SAMHD1: variants seen among roughly 807,000 people sequenced by gnomAD.
SAMHD1 encodes deoxynucleoside triphosphate triphosphohydrolase SAMHD1.
SAMHD1 carries 54 observed loss-of-function variants against 79.6 expected under a neutral mutation model. The ratio of observed to expected loss-of-function variants is 0.68; its 90% CI spans 0.55 to 0.85. The LOEUF (loss-of-function observed/expected upper bound fraction) is 0.85. SAMHD1 is among the 40% of genes least tolerant of loss of function. The pLI is 0.00. For synonymous variants in SAMHD1, 260 were observed against 264.1 expected, an observed-to-expected ratio of 0.98 and a Z score of 0.15; for missense variants, 663 against 782.7, an observed-to-expected ratio of 0.85 and a Z score of 1.82.
intron 3 of SAMHD1, among the ~76,000 whole-genome samples, chr20:36,935,915 A>G (rs2063600879): frequency 6.6e-6 from 1 of 151,938 alleles, no homozygotes; most frequent in South Asian, 2.1e-4. Flanking sequence ...ACTCATCATT[A>G]AAACAGAAAA....
In SAMHD1 at chr20:36,904,120, C is replaced by T. The variant is rs768651957; in HGVS notation, c.1503+37G>A. Reference sequence around the variant, plus strand: ...AATGGTGGGTGCTTTATCTTTAAAACGTATTCACTCAGTTTATTACTGGGC... The same window carrying T: ...AATGGTGGGTGCTTTATCTTTAAAATGTATTCACTCAGTTTATTACTGGGC... On this transcript the variant is annotated intron_variant, in intron 13 of 15. Transcript: ENST00000646673. The T allele has an allele frequency of 1.7e-5, 23 of 1,341,970 alleles. No homozygotes were observed. In the East Asian group the frequency reaches 2.1e-4, roughly 12 times the overall value. 83.1% of individuals were successfully genotyped at this position (1,341,970 alleles called of 1,614,324 possible).
At chr20:36,909,025 G>A (rs993452186) in intron 11 of SAMHD1, among the ~76,000 whole-genome samples, 11 of 151,984 alleles carry the variant, frequency 7.2e-5, no homozygotes, top group Non-Finnish European at 1.0e-4. Flanking sequence ...GCAGTGGTGC[G>A]ATCTCTGCTC....
rs1990169477 is a variant in SAMHD1, at chr20:36,894,853, C to T, written c.1747-1787G>A. Among the ~76,000 whole-genome samples the T allele has an allele frequency of 2.0e-5, 3 of 152,042 alleles. No homozygotes were observed. In the South Asian group the frequency reaches 6.2e-4, roughly 32 times the overall value. Reference sequence around the variant, plus strand: ...TATTTATTTGTCTTTAAACTCATCTCTATTTCTACCCAGCTTGCTTTCTTT... The same window carrying T: ...TATTTATTTGTCTTTAAACTCATCTTTATTTCTACCCAGCTTGCTTTCTTT... On this transcript the variant is annotated intron_variant, in intron 15 of 15. Coordinates refer to ENST00000646673, the MANE Select transcript of SAMHD1 (RefSeq NM_015474.4).
intron 11 of SAMHD1, among the ~76,000 whole-genome samples, chr20:36,909,065 G>A (rs1182328254): frequency 2.6e-5 from 4 of 152,080 alleles, no homozygotes; most frequent in Non-Finnish European, 5.9e-5. Flanking sequence ...GGGTTCAAGC[G>A]ATTCTCCTGC....
At chr20:36,940,943 A>G in intron 3 of SAMHD1, 96 bp downstream of exon 3, 1 of 890,932 alleles carries the variant, frequency 1.1e-6, no homozygotes, top group Non-Finnish European at 1.8e-6. Context: ...TATCACTGAG[A>G]AGCAGATTTC....
At chr20:36,907,401 T>C (rs543289554) in intron 11 of SAMHD1, among the ~76,000 whole-genome samples, 1 of 151,996 alleles carries the variant, frequency 6.6e-6, no homozygotes, top group Admixed American at 6.6e-5. Context: ...ACTGGGACTA[T>C]AGGCACATGC....
intron 2 of SAMHD1, among the ~76,000 whole-genome samples, chr20:36,941,810 C>A (rs563870495): frequency 2.0e-5 from 3 of 152,188 alleles, no homozygotes; most frequent in African/African-American, 7.2e-5. Flanking sequence ...ACATTGGCCT[C>A]TATGGTACAC....
chr20:36,900,041 C>T (rs1246609559), intron 13 of SAMHD1, among the ~76,000 whole-genome samples: 1 of 150,354 alleles, frequency 6.7e-6, no homozygotes, highest in Non-Finnish European at 1.5e-5. Flanking sequence ...TTGCAGTGAG[C>T]CGAGATCGTG....
intron 6 of SAMHD1, among the ~76,000 whole-genome samples, chr20:36,922,490 A>G (rs917167920): frequency 6.6e-6 from 1 of 152,078 alleles, no homozygotes; most frequent in Non-Finnish European, 1.5e-5. Flanking sequence ...GGATTCAAGT[A>G]ATCCTCCCGT....
chr20:36,908,109 C>G (rs548487132), intron 11 of SAMHD1, among the ~76,000 whole-genome samples: 18 of 152,176 alleles, frequency 1.2e-4, no homozygotes, highest in Middle Eastern at 3.4e-3. Flanking sequence ...CTCCTGAACT[C>G]AAGTGATCCA....
chr20:36,894,730 G>A (rs9753599), intron 15 of SAMHD1, among the ~76,000 whole-genome samples: 1 of 151,508 alleles, frequency 6.6e-6, no homozygotes, highest in Non-Finnish European at 1.5e-5. Flanking sequence ...CTGTGCCACT[G>A]CACTCCAGCC....
At chr20:36,947,024 T>G (rs1015802618) in intron 1 of SAMHD1, 2 of 442,104 alleles carry the variant, frequency 4.5e-6, no homozygotes, top group South Asian at 2.7e-5. Context: ...CGTGAAAATT[T>G]CAAAATTATT....
At chr20:36,949,442 C>A (rs1291208268) in intron 1 of SAMHD1, among the ~76,000 whole-genome samples, 7 of 146,628 alleles carry the variant, frequency 4.8e-5, no homozygotes, top group African/African-American at 1.8e-4. Flanking sequence ...CATGGCAAAA[C>A]CCTGTCTCTA....
chr20:36,936,811 A>G (rs942401583), intron 3 of SAMHD1, among the ~76,000 whole-genome samples: 1 of 152,016 alleles, frequency 6.6e-6, no homozygotes, highest in Non-Finnish European at 1.5e-5. Flanking sequence ...AGCTGGAACT[A>G]TACCACGCCT....
Position 36,919,500 on chromosome 20 carries a change from A to C in SAMHD1, c.716T>G (p.Met239Arg). 1 of 1,613,620 alleles carries C rather than the reference A, an allele frequency of 6.2e-7. No individual in the cohort carries two copies. Among genetic ancestry groups the C allele is most frequent in the Non-Finnish European group, 8.5e-7 (1 of 1,179,870 alleles). ...AGAATTAATAAGGTGCTCAAACATC[A>C]TAACTGAGCCTTGTTCATGCTAGGA... ...VKWTHEQGSV[M>R]MFEHLINSNG... The change falls in exon 7 of 16, where the codon ATG (methionine) becomes AGG (arginine). Residue 239 changes from methionine (M) to arginine (R), a missense_variant. Coordinates refer to ENST00000646673, the MANE Select transcript of SAMHD1 (RefSeq NM_015474.4).
At chr20:36,905,103 A>G (rs1391945384) in intron 12 of SAMHD1, 6 of 461,006 alleles carry the variant, frequency 1.3e-5, no homozygotes, top group Non-Finnish European at 2.4e-5. Context: ...TTCCTGGATG[A>G]GATCAAAGAT....
In SAMHD1 at chr20:36,911,231, A is replaced by G. The variant is rs1441301586; in HGVS notation, c.1257T>C (p.Tyr419=). The G allele has an allele frequency of 1.3e-5, 21 of 1,611,496 alleles. No homozygotes were observed. The highest frequency in any genetic ancestry group is 1.7e-5 in the Non-Finnish European group (20 of 1,178,174). The change falls in exon 11 of 16, where the codon TAT becomes TAC. Residue 419 remains tyrosine (Y), a synonymous_variant. Coordinates refer to ENST00000646673, the MANE Select transcript of SAMHD1 (RefSeq NM_015474.4). ...ISTAIDDMEA[Y]TKLTDNIFLE... is the part of the protein sequence containing the mutation. ...GTTACTTCTTACCTGTCAGCTTAGTATAGGCTTCCATGTCGTCAATTGCTG... is the reference window on the plus strand; with the variant it reads ...GTTACTTCTTACCTGTCAGCTTAGTGTAGGCTTCCATGTCGTCAATTGCTG...
chr20:36,934,657 C>CTT lies in SAMHD1; in HGVS notation c.509+370_509+371dup, dbSNP rs547804080. On this transcript the variant is annotated intron_variant, in intron 4 of 15. Coordinates refer to ENST00000646673, the MANE Select transcript of SAMHD1 (RefSeq NM_015474.4). Reference sequence around the variant, plus strand: ...TTTTTTTCCTGTTTTCTTTTTCTTTCTTTTTTTTTTTTTTTTTGAGATGGG... The same window carrying CTT: ...TTTTTTTCCTGTTTTCTTTTTCTTTCTTTTTTTTTTTTTTTTTTTGAGATGGG... 1,052 of 111,892 alleles carry CTT rather than the reference C, an allele frequency of 9.4e-3. 35 individuals are homozygous for CTT. The highest frequency in any genetic ancestry group is 0.019 in the East Asian group (75 of 3,864). The allele number at this position is 111,892 out of a possible 1,614,324, so 6.9% of individuals were successfully genotyped here.
At chr20:36,925,529 T>C (rs1041760997) in intron 6 of SAMHD1, among the ~76,000 whole-genome samples, 3 of 152,196 alleles carry the variant, frequency 2.0e-5, no homozygotes, top group African/African-American at 4.8e-5. Context: ...TGAAAACGTC[T>C]GTTTTTCAAA....
Sources: allele counts gnomAD v4.1 joint callset (sites outside exome capture counted in the v4.1 genomes callset), GRCh38; gene constraint gnomAD v4.1.1; transcripts MANE v1.5; gene names NCBI Gene and HGNC (gene_info 2026-07-23, HGNC 2026-07-21).